The following NCOA2 variants were observed in gnomAD, a reference collection of about 807,000 sequenced individuals.
NCOA2 encodes class E basic helix-loop-helix protein 75.
Under a neutral mutation model 145.1 loss-of-function variants are expected in NCOA2, and 21 were observed. That is an observed-to-expected ratio of 0.14 (90% confidence interval 0.10 to 0.21). The LOEUF (loss-of-function observed/expected upper bound fraction) is 0.21, where lower values mean the gene tolerates loss of function less well. NCOA2 is among the 10% of genes least tolerant of loss of function. The probability of loss-of-function intolerance (pLI) is 1.00; values close to 1 mark genes in which losing one functional copy is unlikely to be tolerated. For synonymous variants in NCOA2, 619 were observed against 637.5 expected, an observed-to-expected ratio of 0.97 and a Z score of 0.44; for missense variants, 1,472 against 1,837.6, an observed-to-expected ratio of 0.80 and a Z score of 3.64.
At chr8:70,202,039 T>C (rs1378618669) in intron 4 of NCOA2, among the ~76,000 whole-genome samples, 2 of 152,208 alleles carry the variant, frequency 1.3e-5, no homozygotes, top group Non-Finnish European at 2.9e-5. Flanking sequence ...TGATGCAATA[T>C]AGTATTAGAT....
intron 4 of NCOA2, among the ~76,000 whole-genome samples, chr8:70,195,438 G>T (rs1048725113): frequency 2.0e-5 from 3 of 152,110 alleles, no homozygotes; most frequent in Admixed American, 2.0e-4. Context: ...TGATTGAAAC[G>T]TGGGGTCCTA....
intron 2 of NCOA2, among the ~76,000 whole-genome samples, chr8:70,290,816 A>C (rs1436818921): frequency 6.6e-6 from 1 of 151,432 alleles, no homozygotes; most frequent in Non-Finnish European, 1.5e-5. Flanking sequence ...AGCTTAAAAA[A>C]AAAACAAAAC....
chr8:70,113,598 C>T lies in NCOA2; in HGVS notation c.*34G>A, dbSNP rs1359908490. ...TGGAAGTGTTTTGAGCAAGTGAGCC[C>T]GGTCAGCTGAAGAAGCAACTGGCTT... On this transcript the variant is annotated 3_prime_UTR_variant, in exon 23 of 23. Transcript: ENST00000452400. 19 of 1,550,950 alleles carry T rather than the reference C, an allele frequency of 1.2e-5. No individual in the cohort carries two copies. The highest frequency in any genetic ancestry group is 3.9e-5 in the Admixed American group (2 of 50,988).
intron 22 of NCOA2, 95 bp downstream of exon 22, chr8:70,121,202 TTAATC>T: frequency 1.1e-6 from 1 of 937,738 alleles, no homozygotes; most frequent in Non-Finnish European, 1.7e-6. Context: ...ACGATTATCT[TTAATC>T]TACTGGTTGA....
chr8:70,244,763 A>G (rs554754979), intron 2 of NCOA2, among the ~76,000 whole-genome samples: 4 of 151,286 alleles, frequency 2.6e-5, no homozygotes, highest in Admixed American at 6.6e-5. Flanking sequence ...CAAGCGTGAC[A>G]CTGTATTTGG....
chr8:70,336,604 GAC>G (rs1257063343), intron 1 of NCOA2, among the ~76,000 whole-genome samples: 2 of 130,932 alleles, frequency 1.5e-5, no homozygotes, highest in Non-Finnish European at 3.1e-5. Context: ...GAGAGACAGA[GAC>G]AGAGAGGGAG....
chr8:70,262,806 C>T (rs1386034075), intron 2 of NCOA2, among the ~76,000 whole-genome samples: 1 of 152,052 alleles, frequency 6.6e-6, no homozygotes, highest in East Asian at 1.9e-4. Context: ...CCCTCATCCT[C>T]GAGTGGATGC....
At chr8:70,235,679 A>C (rs1262193266) in intron 2 of NCOA2, among the ~76,000 whole-genome samples, 1 of 152,080 alleles carries the variant, frequency 6.6e-6, no homozygotes, top group East Asian at 1.9e-4. Context: ...CCTTGTCTCT[A>C]CAAAAAGATC....
intron 4 of NCOA2, among the ~76,000 whole-genome samples, chr8:70,198,432 C>T (rs35350992): frequency 0.011 from 1,609 of 152,190 alleles, 12 homozygotes; most frequent in Non-Finnish European, 0.017. Flanking sequence ...CAGCAAAGGG[C>T]CTTGAATACC....
intron 1 of NCOA2, among the ~76,000 whole-genome samples, chr8:70,305,320 T>C (rs1407532063): frequency 1.3e-5 from 2 of 152,048 alleles, no homozygotes; most frequent in African/African-American, 4.8e-5. Flanking sequence ...CAAATGATGG[T>C]CACTGTCAAT....
intron 1 of NCOA2, among the ~76,000 whole-genome samples, chr8:70,397,784 A>G (rs1020107259): frequency 4.6e-5 from 7 of 152,260 alleles, no homozygotes; most frequent in Admixed American, 3.9e-4. Context: ...GTTGTAAGCT[A>G]ATCAGTTAAG....
chr8:70,156,602 A>G lies in NCOA2; in HGVS notation c.1763T>C (p.Leu588Pro). 1 of 1,613,946 alleles carries G rather than the reference A, an allele frequency of 6.2e-7. No individual in the cohort carries two copies. The highest frequency in any genetic ancestry group is 8.5e-7 in the Non-Finnish European group (1 of 1,179,890). The change falls in exon 11 of 23, where the codon CTA becomes CCA. Residue 588 changes from leucine to proline, a missense_variant. Leu to Pro is a moderately conservative substitution (Grantham distance 98). Coordinates refer to ENST00000452400, the MANE Select transcript of NCOA2 (RefSeq NM_006540.4). ...GSLDSKDCFGLYGEPSEGTTG... is the reference protein window; with the variant it reads ...GSLDSKDCFGPYGEPSEGTTG... ...TGTACCTTCAGAGGGCTCCCCATAT[A>G]GTCCAAAACAGTCTTTTGAGTCCAA... is the stretch of plus-strand genomic sequence containing the variant.
intron 9 of NCOA2, among the ~76,000 whole-genome samples, chr8:70,160,686 A>AGAGG (rs1554579009): frequency 2.0e-5 from 3 of 147,906 alleles, no homozygotes; most frequent in African/African-American, 5.3e-5. Context: ...AGAGAGGGAG[A>AGAGG]GAGAGAGAGA....
chr8:70,292,158 G>T (rs529651141), intron 2 of NCOA2, among the ~76,000 whole-genome samples: 30 of 152,064 alleles, frequency 2.0e-4, no homozygotes, highest in African/African-American at 7.0e-4. Context: ...TTTTTGAGAG[G>T]AAGTCCTGCT....
intron 4 of NCOA2, among the ~76,000 whole-genome samples, chr8:70,213,094 C>CA (rs951962965): frequency 0.17 from 12,898 of 77,600 alleles, 800 homozygotes; most frequent in East Asian, 0.21. Context: ...AAAAAAACAC[C>CA]AAAAAAAAAA....
Position 70,216,707 on chromosome 8 carries a change from C to T in NCOA2, c.39G>A (p.Arg13=). The T allele has an allele frequency of 6.2e-7, 1 of 1,613,792 alleles. No homozygotes were observed. The highest frequency in any genetic ancestry group is 8.5e-7 in the Non-Finnish European group (1 of 1,179,734). The change falls in exon 3 of 23, where the codon AGG becomes AGA. Residue 13 remains arginine, a synonymous_variant. Coordinates refer to ENST00000452400, the MANE Select transcript of NCOA2 (RefSeq NM_006540.4). ...ATTCCTTGCGCTTTCTTGTCTCTGC[C>T]CTGGAGGGGTCAGAGGTATTTTCTC... is the stretch of plus-strand genomic sequence containing the variant. ...GMGENTSDPS[R]AETRKRKECP...
At chr8:70,422,036 A>G in the NCOA2 span, among the ~76,000 whole-genome samples, 1 of 152,004 alleles carries the variant, frequency 6.6e-6, no homozygotes, top group Non-Finnish European at 1.5e-5. Flanking sequence ...TGGAGGTTGC[A>G]TTGAGCTGAG....
chr8:70,260,687 A>G (rs115607902), intron 2 of NCOA2, among the ~76,000 whole-genome samples: 1 of 152,194 alleles, frequency 6.6e-6, no homozygotes, highest in Admixed American at 6.5e-5. Flanking sequence ...GTACACTAAC[A>G]TCCATGTTCT....
chr8:70,186,079 ACTCTCT>A (rs759989274), intron 4 of NCOA2, among the ~76,000 whole-genome samples: 1 of 149,290 alleles, frequency 6.7e-6, no homozygotes, highest in African/African-American at 2.5e-5. Context: ...ACACTCTCTC[ACTCTCT>A]CTCTCTCTTT....
Sources: gnomAD v4.1 joint callset for allele counts (sites outside exome capture counted in the v4.1 genomes callset) on GRCh38, gnomAD v4.1.1 for gene constraint, MANE v1.5 for transcripts, NCBI Gene and HGNC (gene_info 2026-07-23, HGNC 2026-07-21) for gene names.